Variants in GABRA2 observed in about 807,000 individuals in gnomAD.
GABRA2 encodes the protein gamma-aminobutyric acid receptor subunit alpha-2.
In GABRA2, 16 loss-of-function variants were observed where a neutral mutation model predicts 48.7. The observed-to-expected ratio is 0.33, with a 90% CI of 0.22 to 0.50. GABRA2 has a LOEUF of 0.50. Ranked by LOEUF, GABRA2 falls within the 20% of genes least tolerant of loss-of-function variation. The pLI, the probability that GABRA2 is intolerant of heterozygous loss-of-function variation, is 0.98. For synonymous variants in GABRA2, 185 were observed against 184.5 expected (o/e 1.00, Z -0.02); for missense variants, 275 against 535.6 (o/e 0.51, Z 4.80).
intron 4 of GABRA2, among the ~76,000 whole-genome samples, chr4:46,331,378 A>G (rs1319264435): frequency 3.1e-4 from 47 of 152,166 alleles, no homozygotes; most frequent in Non-Finnish European, 2.9e-5. Context: ...AATAAACAGC[A>G]TATTTTGTAA....
In GABRA2 at chr4:46,276,905, A is replaced by G. The variant is rs144619924; in HGVS notation, c.857-14777T>C. On this transcript the variant is annotated intron_variant, in intron 8 of 9. Coordinates refer to ENST00000381620, the MANE Select transcript of GABRA2 (RefSeq NM_000807.4). ...TGCTACTTTTATTTTTACCATCATT[A>G]TTGCTATATAAATTTTAGTGTAGGA... Among the ~76,000 whole-genome samples, 1,144 of 152,166 alleles carry G rather than the reference A, an allele frequency of 7.5e-3. 16 individuals carry two copies. Among genetic ancestry groups the G allele is most frequent in the African/African-American group, 0.026 (1,079 of 41,484 alleles).
chr4:46,276,916 A>C, intron 8 of GABRA2, among the ~76,000 whole-genome samples: 1 of 152,248 alleles, frequency 6.6e-6, no homozygotes, highest in Non-Finnish European at 1.5e-5. Flanking sequence ...TTGCTATATA[A>C]ATTTTAGTGT....
intron 3 of GABRA2, chr4:46,363,630 A>T (rs1027525053): frequency 2.0e-5 from 3 of 152,226 alleles, no homozygotes; most frequent in Admixed American, 2.0e-4. Context: ...AAGGTATAAT[A>T]GTTTAGCCTC....
chr4:46,314,403 T>C (rs1728193732), intron 4 of GABRA2, among the ~76,000 whole-genome samples: 1 of 152,138 alleles, frequency 6.6e-6, no homozygotes. Flanking sequence ...GTCAATCACA[T>C]AGGAGATACT....
chr4:46,328,450 C>T (rs1007850566), intron 4 of GABRA2, among the ~76,000 whole-genome samples: 1 of 150,894 alleles, frequency 6.6e-6, no homozygotes, highest in African/African-American at 2.5e-5. Flanking sequence ...ACTGACCGTG[C>T]ACACTGATTA....
chr4:46,386,489 A>G (rs1040313465), intron 2 of GABRA2, among the ~76,000 whole-genome samples: 1 of 152,198 alleles, frequency 6.6e-6, no homozygotes, highest in Non-Finnish European at 1.5e-5. Flanking sequence ...CTCCTGGGAT[A>G]TATTATGATT....
chr4:46,356,659 C>T (rs1199159192), intron 3 of GABRA2, among the ~76,000 whole-genome samples: 1 of 152,132 alleles, frequency 6.6e-6, no homozygotes, highest in African/African-American at 2.4e-5. Context: ...AATCTAATGG[C>T]CTCAAGATTA....
rs115253178 is a variant in GABRA2 at position 46,271,336 on chromosome 4, T to C, written c.857-9208A>G. On this transcript the variant is annotated intron_variant, in intron 8 of 9. Transcript: ENST00000381620. The stretch of plus-strand genomic sequence containing the variant: ...AAGGTATGCACAAGACCAGGTTGTA[T>C]ATGCCTCTAGAAGGAAGTTCTACAG... Among the ~76,000 whole-genome samples the C allele has an allele frequency of 3.0e-3, 464 of 152,174 alleles. 2 individuals carry two copies. Among genetic ancestry groups the C allele is most frequent in the African/African-American group, 0.011 (441 of 41,564 alleles).
intron 3 of GABRA2, among the ~76,000 whole-genome samples, chr4:46,341,648 C>T (rs980850259): frequency 1.3e-5 from 2 of 152,048 alleles, no homozygotes; most frequent in African/African-American, 4.8e-5. Context: ...GCACAAAGTT[C>T]ATAACTCTGC....
chr4:46,263,311 C>T (rs1012964988), intron 8 of GABRA2, among the ~76,000 whole-genome samples: 1 of 151,976 alleles, frequency 6.6e-6, no homozygotes, highest in Non-Finnish European at 1.5e-5. Context: ...GTTGTCTAAT[C>T]CAAGGTCATG....
intron 7 of GABRA2, among the ~76,000 whole-genome samples, chr4:46,304,850 A>G (rs1167760812): frequency 6.7e-6 from 1 of 149,800 alleles, no homozygotes; most frequent in Non-Finnish European, 1.5e-5. Flanking sequence ...ACTTGAACCC[A>G]GGAAGTGGAG....
intron 3 of GABRA2, among the ~76,000 whole-genome samples, chr4:46,337,069 C>A (rs1394187154): frequency 1.3e-5 from 2 of 151,960 alleles, no homozygotes; most frequent in Admixed American, 6.6e-5. Context: ...TTACGATTCA[C>A]TTAAAATAGA....
At chr4:46,320,433 C>G (rs544082242) in intron 4 of GABRA2, among the ~76,000 whole-genome samples, 5 of 151,522 alleles carry the variant, frequency 3.3e-5, no homozygotes, top group African/African-American at 1.2e-4. Flanking sequence ...ATAAACAAGT[C>G]GACATACATC....
At position 46,377,492 on chromosome 4, in the gene GABRA2, C is replaced by G. The variant is rs1352609462; in HGVS notation, c.187+8582G>C. On this transcript the variant is annotated intron_variant, in intron 3 of 9. Transcript: ENST00000381620. ...CCGTCTGAGAAGTGAGGAGCCCCTC[C>G]GCCCAGCAACCGCCCCGTCTGAGAA... Among the ~76,000 whole-genome samples, 4 of 120,694 alleles carry G rather than the reference C, an allele frequency of 3.3e-5. 1 individual carries two copies. The highest frequency in any genetic ancestry group is 6.1e-4 in the East Asian group (2 of 3,256). 79.2% of individuals were successfully genotyped at this position (120,694 alleles called of 152,430 possible).
chr4:46,310,648 T>C (rs1161631563), intron 5 of GABRA2, among the ~76,000 whole-genome samples: 1 of 152,026 alleles, frequency 6.6e-6, no homozygotes, highest in Non-Finnish European at 1.5e-5. Flanking sequence ...CAGAGCAAAA[T>C]TGATCAAAGG....
At chr4:46,265,007 A>ATATATATATATATGT (rs1426804933) in intron 8 of GABRA2, among the ~76,000 whole-genome samples, 1 of 140,550 alleles carries the variant, frequency 7.1e-6, no homozygotes, top group South Asian at 2.2e-4. Context: ...ATATATGTAT[A>ATATATATATATATGT]AAGAGAGAGA....
intron 3 of GABRA2, among the ~76,000 whole-genome samples, chr4:46,350,484 T>C (rs1734935267): frequency 1.3e-5 from 2 of 151,880 alleles, no homozygotes; most frequent in Admixed American, 6.6e-5. Context: ...ACATCATACA[T>C]ATATTTGTAT....
intron 2 of GABRA2, among the ~76,000 whole-genome samples, chr4:46,387,735 A>C (rs1199841191): frequency 6.6e-6 from 1 of 152,168 alleles, no homozygotes; most frequent in Non-Finnish European, 1.5e-5. Context: ...CAATTCTAAG[A>C]AATGTTTTCA....
intron 4 of GABRA2, among the ~76,000 whole-genome samples, chr4:46,329,140 T>G (rs913790549): frequency 2.0e-5 from 3 of 152,084 alleles, no homozygotes; most frequent in Non-Finnish European, 4.4e-5. Flanking sequence ...TCAGTTTACA[T>G]CTTCCCTGTA....
Sources: gnomAD v4.1 joint callset for allele counts (sites outside exome capture counted in the v4.1 genomes callset) on GRCh38, gnomAD v4.1.1 for gene constraint, MANE v1.5 for transcripts, NCBI Gene and HGNC (gene_info 2026-07-23, HGNC 2026-07-21) for gene names.